TMEM266: variants seen among roughly 807,000 people sequenced by gnomAD.
TMEM266 encodes transmembrane protein 266.
In TMEM266, 33 loss-of-function variants were observed where a neutral mutation model predicts 50.5. The observed-to-expected ratio is 0.65, with a 90% CI of 0.50 to 0.87. TMEM266 has a LOEUF of 0.87. Ranked by LOEUF, TMEM266 falls within the 40% of genes least tolerant of loss-of-function variation. The pLI is 0.00. For missense variants in TMEM266, 655 were observed against 695.1 expected, an observed-to-expected ratio of 0.94 and a Z score of 0.65; for synonymous variants, 310 against 292.3, an observed-to-expected ratio of 1.06 and a Z score of -0.62.
intron 8 of TMEM266, 54 bp from the exon 9 acceptor site, chr15:76,191,914 A>AGGCCCCCGCC (rs2038578283): frequency 6.1e-6 from 9 of 1,484,996 alleles, no homozygotes; most frequent in East Asian, 2.6e-5. Flanking sequence ...GTCAGGCTGG[A>AGGCCCCCGCC]GGCCCCCGCC....
At chr15:76,200,082 C>T (rs544151290) in intron 9 of TMEM266, among the ~76,000 whole-genome samples, 8 of 152,146 alleles carry the variant, frequency 5.3e-5, no homozygotes, top group East Asian at 1.9e-4. Context: ...CTGTGCTCCC[C>T]GCAGACAGGG....
At chr15:76,179,065 C>T (rs1253729854) in intron 8 of TMEM266, among the ~76,000 whole-genome samples, 1 of 150,930 alleles carries the variant, frequency 6.6e-6, no homozygotes, top group Non-Finnish European at 1.5e-5. Context: ...GGAAATGAGA[C>T]TGTGGGCCCT....
At chr15:76,060,226 G>C (rs1054617648) in intron 1 of TMEM266, among the ~76,000 whole-genome samples, 5 of 152,154 alleles carry the variant, frequency 3.3e-5, no homozygotes, top group African/African-American at 1.2e-4. Context: ...CCAGCCTGGA[G>C]ACCTGCTTCT....
At chr15:76,175,732 C>A in intron 8 of TMEM266, 58 bp downstream of exon 8, 1 of 1,410,726 alleles carries the variant, frequency 7.1e-7, no homozygotes, top group South Asian at 1.2e-5. Flanking sequence ...CTGGTAGTGC[C>A]TAAAGCCATG....
chr15:76,098,947 G>A (rs1455615752), intron 1 of TMEM266, among the ~76,000 whole-genome samples: 2 of 152,054 alleles, frequency 1.3e-5, no homozygotes, highest in African/African-American at 2.4e-5. Context: ...AGAGTGTCCC[G>A]GGTCCATCTC....
chr15:76,198,326 G>T (rs2456044), intron 9 of TMEM266, among the ~76,000 whole-genome samples: 149,351 of 152,272 alleles, frequency 0.98, 73,303 homozygotes, highest in Middle Eastern at 1. Flanking sequence ...CAGTCCCTTG[G>T]GGGTTCTTCC....
chr15:76,170,219 T>G (rs2038166355), intron 6 of TMEM266, among the ~76,000 whole-genome samples: 1 of 152,202 alleles, frequency 6.6e-6, no homozygotes, highest in South Asian at 2.1e-4. Flanking sequence ...TCAACGTGCT[T>G]CTCAGGCTGG....
chr15:76,094,474 T>C (rs1356002572), intron 1 of TMEM266, among the ~76,000 whole-genome samples: 2 of 152,114 alleles, frequency 1.3e-5, no homozygotes, highest in Non-Finnish European at 2.9e-5. Flanking sequence ...CATTGGTCTA[T>C]GTATCTGTTT....
intron 1 of TMEM266, among the ~76,000 whole-genome samples, chr15:76,131,227 C>T (rs371871554): frequency 1.3e-5 from 2 of 152,164 alleles, no homozygotes; most frequent in African/African-American, 2.4e-5. Flanking sequence ...ATTAGCCAGG[C>T]GTGGTGGCAG....
intron 3 of TMEM266, among the ~76,000 whole-genome samples, chr15:76,141,936 T>C (rs762794870): frequency 1.3e-5 from 2 of 152,234 alleles, no homozygotes; most frequent in Non-Finnish European, 2.9e-5. Context: ...TTTTTAAAAC[T>C]GAATAATCAT....
At chr15:76,117,302 G>C (rs893283055) in intron 1 of TMEM266, among the ~76,000 whole-genome samples, 4 of 151,570 alleles carry the variant, frequency 2.6e-5, no homozygotes, top group Non-Finnish European at 5.9e-5. Flanking sequence ...TTATACTGAT[G>C]GCTTCTCAGA....
chr15:76,158,035 C>A (rs1177960341), intron 4 of TMEM266, among the ~76,000 whole-genome samples: 1 of 150,922 alleles, frequency 6.6e-6, no homozygotes, highest in Non-Finnish European at 1.5e-5. Context: ...AATAGAGGTA[C>A]AATTATCAGC....
chr15:76,197,739 C>A (rs1377730856), intron 9 of TMEM266, among the ~76,000 whole-genome samples: 2 of 152,212 alleles, frequency 1.3e-5, no homozygotes, highest in Non-Finnish European at 2.9e-5. Flanking sequence ...GCTTTGGGGC[C>A]TGGGTCTGCA....
chr15:76,123,962 C>T (rs919010036), intron 1 of TMEM266, among the ~76,000 whole-genome samples: 3 of 152,204 alleles, frequency 2.0e-5, no homozygotes, highest in Non-Finnish European at 4.4e-5. Flanking sequence ...ATCTGCCCAC[C>T]TCAGCCTCCC....
At chr15:76,109,696 T>A (rs2037137951) in intron 1 of TMEM266, among the ~76,000 whole-genome samples, 1 of 150,996 alleles carries the variant, frequency 6.6e-6, no homozygotes, top group Non-Finnish European at 1.5e-5. Flanking sequence ...CAGGCTTTTC[T>A]TTTTTCTTTC....
At chr15:76,099,650 C>T (rs2036971408) in intron 1 of TMEM266, among the ~76,000 whole-genome samples, 1 of 152,188 alleles carries the variant, frequency 6.6e-6, no homozygotes. Flanking sequence ...GAGATTGGCA[C>T]CCTGGTTGTC....
intron 1 of TMEM266, among the ~76,000 whole-genome samples, chr15:76,130,324 G>A (rs1292685057): frequency 6.7e-6 from 1 of 149,810 alleles, no homozygotes; most frequent in Non-Finnish European, 1.5e-5. Flanking sequence ...GCTCACTTGA[G>A]GTTGGGAGTT....
At chr15:76,162,572 T>C (rs1016683611) in intron 5 of TMEM266, among the ~76,000 whole-genome samples, 12 of 152,296 alleles carry the variant, frequency 7.9e-5, no homozygotes, top group African/African-American at 2.9e-4. Context: ...ACCATACCAG[T>C]GGCGTCCTTT....
chr15:76,089,882 T>G (rs1011202567), intron 1 of TMEM266, among the ~76,000 whole-genome samples: 1 of 152,076 alleles, frequency 6.6e-6, no homozygotes, highest in East Asian at 1.9e-4. Flanking sequence ...ATTTGGCAAC[T>G]GGTTGGGGGC....
Sources: allele counts gnomAD v4.1 joint callset (sites outside exome capture counted in the v4.1 genomes callset), GRCh38; gene constraint gnomAD v4.1.1; transcripts MANE v1.5; gene names NCBI Gene and HGNC (gene_info 2026-07-23, HGNC 2026-07-21).